The following ZFHX3 variants were observed in gnomAD, a reference collection of about 807,000 sequenced individuals.
ZFHX3 encodes the protein zinc finger homeobox protein 3.
In ZFHX3, 42 loss-of-function variants were observed where a neutral mutation model predicts 279.1. The ratio of observed to expected loss-of-function variants is 0.15; its 90% CI spans 0.12 to 0.19. The LOEUF (loss-of-function observed/expected upper bound fraction) is 0.19, where lower values mean the gene tolerates loss of function less well. Ranked by LOEUF, ZFHX3 falls within the 10% of genes least tolerant of loss-of-function variation. The pLI is 1.00. For missense variants in ZFHX3, 4,981 were observed against 4,754.0 expected (o/e 1.05, Z -1.40); for synonymous variants, 2,293 against 1,957.8 (o/e 1.17, Z -4.52).
chr16:73,403,042 A>C (rs1302052603), intron 3 of ZFHX3, among the ~76,000 whole-genome samples: 1 of 152,072 alleles, frequency 6.6e-6, no homozygotes, highest in East Asian at 1.9e-4. Context: ...AGGCACACAC[A>C]CGTGTGTGCA....
intron 1 of ZFHX3, chr16:72,973,775 G>T (rs1962212824): frequency 6.6e-6 from 1 of 152,154 alleles, no homozygotes; most frequent in Admixed American, 6.5e-5. Context: ...GGGGAGCTGA[G>T]GCATGAGAAT....
chr16:72,847,112 T>C (rs1430082682), intron 4 of ZFHX3, among the ~76,000 whole-genome samples: 1 of 152,216 alleles, frequency 6.6e-6, no homozygotes, highest in African/African-American at 2.4e-5. Context: ...TGGAAATGCA[T>C]TGTCCCTGCA....
intron 1 of ZFHX3, among the ~76,000 whole-genome samples, chr16:73,053,627 G>A (rs1459504745): frequency 1.3e-5 from 2 of 152,104 alleles, no homozygotes; most frequent in East Asian, 1.9e-4. Context: ...AGTGGATGTC[G>A]GAGTGTTTAA....
intron 1 of ZFHX3, among the ~76,000 whole-genome samples, chr16:72,981,328 C>T (rs572001350): frequency 2.0e-5 from 3 of 152,160 alleles, no homozygotes; most frequent in Non-Finnish European, 2.9e-5. Flanking sequence ...AGCAAAAATG[C>T]GCCTGTTTAC....
At chr16:73,352,128 G>A (rs766573835) in intron 3 of ZFHX3, among the ~76,000 whole-genome samples, 8 of 152,118 alleles carry the variant, frequency 5.3e-5, no homozygotes, top group Non-Finnish European at 8.8e-5. Context: ...CTGGGGAATC[G>A]CCATACTGGT....
At chr16:73,768,095 AC>A (rs2053973765) in intron 1 of ZFHX3, among the ~76,000 whole-genome samples, 1 of 152,126 alleles carries the variant, frequency 6.6e-6, no homozygotes, top group African/African-American at 2.4e-5. Context: ...GATGCTACCA[AC>A]CCTTGGCCAC....
At chr16:72,974,200 G>A (rs1962240063) in intron 1 of ZFHX3, among the ~76,000 whole-genome samples, 1 of 152,314 alleles carries the variant, frequency 6.6e-6, no homozygotes, top group African/African-American at 2.4e-5. Context: ...GAATCTACCT[G>A]AGAACAAATG....
intron 1 of ZFHX3, among the ~76,000 whole-genome samples, chr16:73,019,521 C>T (rs999914091): frequency 6.6e-6 from 1 of 152,222 alleles, no homozygotes; most frequent in Non-Finnish European, 1.5e-5. Context: ...GCAGCCCTCC[C>T]AGCCACACTG....
rs540761203 is a variant in ZFHX3 at position 72,995,413 on chromosome 16, A to C, written c.-49-35219T>G. Among the ~76,000 whole-genome samples the C allele has an allele frequency of 2.4e-4, 36 of 152,290 alleles. No homozygotes were observed. In the South Asian group the frequency reaches 6.6e-3, roughly 28 times the overall value. ...ACGGACTTAATGAGCTCTTGGAAGG[A>C]AACAGGAAGTCTATAAAGTAATTTA... On this transcript the variant is annotated intron_variant, in intron 1 of 9. Coordinates refer to ENST00000268489, the MANE Select transcript of ZFHX3 (RefSeq NM_006885.4).
At chr16:73,095,876 C>G (rs1463221796) in intron 7 of ZFHX3, among the ~76,000 whole-genome samples, 1 of 152,198 alleles carries the variant, frequency 6.6e-6, no homozygotes, top group Non-Finnish European at 1.5e-5. Flanking sequence ...TTTAATAAAC[C>G]ATTTTCAACA....
At chr16:72,845,992 C>T (rs1413960178) in intron 4 of ZFHX3, among the ~76,000 whole-genome samples, 1 of 152,206 alleles carries the variant, frequency 6.6e-6, no homozygotes, top group Non-Finnish European at 1.5e-5. Flanking sequence ...GGAGAACACA[C>T]ACTTGTGCTT....
intron 1 of ZFHX3, among the ~76,000 whole-genome samples, chr16:73,743,966 C>T (rs1361135075): frequency 1.3e-5 from 2 of 152,090 alleles, no homozygotes; most frequent in Non-Finnish European, 2.9e-5. Flanking sequence ...AGAATGACAT[C>T]CTCTCTACAT....
At chr16:73,711,633 C>T (rs893538895) in intron 1 of ZFHX3, among the ~76,000 whole-genome samples, 1 of 152,122 alleles carries the variant, frequency 6.6e-6, no homozygotes, top group African/African-American at 2.4e-5. Flanking sequence ...CACACTGCAC[C>T]TCTAGATTTG....
At chr16:73,508,781 C>T (rs1451605532) in intron 2 of ZFHX3, among the ~76,000 whole-genome samples, 5 of 152,142 alleles carry the variant, frequency 3.3e-5, no homozygotes, top group Admixed American at 3.3e-4. Flanking sequence ...GAGACATAGG[C>T]CTTAAAAGGC....
intron 7 of ZFHX3, among the ~76,000 whole-genome samples, chr16:73,109,229 T>A (rs1966341636): frequency 6.6e-6 from 1 of 152,256 alleles, no homozygotes; most frequent in South Asian, 2.1e-4. Context: ...CGCATGCGTG[T>A]GCATAGGTTT....
At position 73,631,947 on chromosome 16, in the gene ZFHX3, A is replaced by T. The variant is rs1224620468; in HGVS notation, c.-1547+48233T>A. On this transcript the variant is annotated intron_variant, in intron 2 of 17. Transcript: ENST00000641206. ...CTCTCTCACACACACACACACACAC[A>T]CACACACACACACAAAGTTTTGCAT... Among the ~76,000 whole-genome samples the T allele has an allele frequency of 2.3e-5, 3 of 132,524 alleles. No homozygotes were observed. In the East Asian group the frequency reaches 6.7e-4, roughly 30 times the overall value. 86.9% of individuals were successfully genotyped at this position (132,524 alleles called of 152,430 possible).
At chr16:73,005,884 A>G (rs889438365) in intron 1 of ZFHX3, 1 of 152,194 alleles carries the variant, frequency 6.6e-6, no homozygotes, top group Non-Finnish European at 1.5e-5. Context: ...TTAACATGAA[A>G]TACAACCTTT....
chr16:73,014,100 G>A (rs1964012094), intron 1 of ZFHX3, among the ~76,000 whole-genome samples: 1 of 152,162 alleles, frequency 6.6e-6, no homozygotes, highest in South Asian at 2.1e-4. Context: ...TGTAACAGAA[G>A]CATGACACAG....
At chr16:73,804,655 G>T (rs567219057) in intron 1 of ZFHX3, among the ~76,000 whole-genome samples, 5 of 152,060 alleles carry the variant, frequency 3.3e-5, no homozygotes, top group Non-Finnish European at 5.9e-5. Flanking sequence ...TGGCAAATAT[G>T]AGTCTTTTAT....
Sources: gnomAD v4.1 joint callset for allele counts (sites outside exome capture counted in the v4.1 genomes callset) on GRCh38, gnomAD v4.1.1 for gene constraint, MANE v1.5 for transcripts, NCBI Gene and HGNC (gene_info 2026-07-23, HGNC 2026-07-21) for gene names.